The following C1QTNF7 variants were observed in gnomAD, a reference collection of about 807,000 sequenced individuals.
The protein encoded by C1QTNF7 is C1q and TNF related 7.
C1QTNF7 carries 15 observed loss-of-function variants against 19.6 expected under a neutral mutation model. The ratio of observed to expected loss-of-function variants is 0.76; its 90% CI spans 0.51 to 1.18. The LOEUF is 1.18. Ranked by LOEUF, C1QTNF7 falls within the 50% of genes most tolerant of loss-of-function variation. The probability of loss-of-function intolerance (pLI) is 0.00; values close to 1 mark genes in which losing one functional copy is unlikely to be tolerated. For missense variants in C1QTNF7, 324 were observed against 359.7 expected, an observed-to-expected ratio of 0.90 and a Z score of 0.80; for synonymous variants, 142 against 137.5, an observed-to-expected ratio of 1.03 and a Z score of -0.23.
chr4:15,424,481 G>T (rs1711947342), upstream of C1QTNF7, among the ~76,000 whole-genome samples: 1 of 152,164 alleles, frequency 6.6e-6, no homozygotes, highest in Admixed American at 6.5e-5. Context: ...TTGATAGCTT[G>T]CAGTGCTCCC....
intron 1 of C1QTNF7, among the ~76,000 whole-genome samples, chr4:15,390,056 G>A (rs1446127911): frequency 6.6e-6 from 1 of 152,142 alleles, no homozygotes; most frequent in Non-Finnish European, 1.5e-5. Flanking sequence ...TTCAGGGAAG[G>A]GAGGAATTTG....
At chr4:15,427,641 C>T (rs1712111477), upstream of C1QTNF7, 2 of 152,200 alleles carry the variant, frequency 1.3e-5, no homozygotes, top group Admixed American at 6.5e-5. Flanking sequence ...AATCTAAAGG[C>T]TCTACCTCCA....
rs551037048 is a variant in C1QTNF7, at chr4:15,354,297, G to T, written c.13+14090G>T. Among the ~76,000 whole-genome samples the T allele has an allele frequency of 2.6e-5, 4 of 152,308 alleles. No homozygotes were observed. In the East Asian group the frequency reaches 7.7e-4, roughly 29 times the overall value. On this transcript the variant is annotated intron_variant, in intron 1 of 2. Transcript: ENST00000295297. ...CTGGAAGGAAAGTAGTTAGGTAAGG[G>T]TTGGATAAGAGAATACAGGAGAAAT...
intron 1 of C1QTNF7, among the ~76,000 whole-genome samples, chr4:15,398,919 C>T (rs1318575366): frequency 2.0e-5 from 3 of 152,158 alleles, no homozygotes; most frequent in Non-Finnish European, 4.4e-5. Context: ...TCTGGGATCT[C>T]GCATTGCCTC....
intron 1 of C1QTNF7, among the ~76,000 whole-genome samples, chr4:15,411,065 T>C (rs922080240): frequency 5.3e-5 from 8 of 152,360 alleles, no homozygotes; most frequent in African/African-American, 1.9e-4. Context: ...ACTGTGGAAA[T>C]GTACGTGCAT....
At chr4:15,402,520 T>C (rs987228021) in intron 1 of C1QTNF7, among the ~76,000 whole-genome samples, 4 of 151,926 alleles carry the variant, frequency 2.6e-5, no homozygotes, top group African/African-American at 9.7e-5. Flanking sequence ...CAGAAAAGAA[T>C]ATAAATGTTA....
At chr4:15,347,117 C>T (rs1162651167) in intron 1 of C1QTNF7, among the ~76,000 whole-genome samples, 1 of 152,144 alleles carries the variant, frequency 6.6e-6, no homozygotes, top group East Asian at 1.9e-4. Context: ...AATTTATGTG[C>T]CAGGCTCTTA....
In C1QTNF7 at chr4:15,394,786, T is replaced by C. The variant is rs796831112; in HGVS notation, c.14-40950T>C. 9.6e-4 allele frequency among the ~76,000 whole-genome samples: 147 copies of C among 152,336 alleles called. 1 individual carries two copies. The highest frequency in any genetic ancestry group is 3.4e-3 in the African/African-American group (142 of 41,588). On this transcript the variant is annotated intron_variant, in intron 1 of 2. Coordinates refer to the C1QTNF7 transcript ENST00000295297. ...GATGATGGTGGGTATCAGAAGGTCTTGAACCATAAGGCCTGGCCCTGGTAC... is the reference window on the plus strand; with the variant it reads ...GATGATGGTGGGTATCAGAAGGTCTCGAACCATAAGGCCTGGCCCTGGTAC...
intron 1 of C1QTNF7, among the ~76,000 whole-genome samples, chr4:15,353,270 G>C (rs563600562): frequency 6.6e-6 from 1 of 152,270 alleles, no homozygotes; most frequent in Non-Finnish European, 1.5e-5. Flanking sequence ...AAAAGAAACT[G>C]GCCTTCAAGT....
intron 1 of C1QTNF7, among the ~76,000 whole-genome samples, chr4:15,430,244 G>T (rs1287955046): frequency 6.6e-6 from 1 of 152,178 alleles, no homozygotes; most frequent in Admixed American, 6.6e-5. Flanking sequence ...AAAATAGGAT[G>T]GAGGATTATT....
chr4:15,392,432 G>C (rs1317126164), intron 1 of C1QTNF7, among the ~76,000 whole-genome samples: 1 of 152,140 alleles, frequency 6.6e-6, no homozygotes, highest in Non-Finnish European at 1.5e-5. Flanking sequence ...CTCACCCCAA[G>C]CCCGGTGCCC....
chr4:15,442,247 A>C lies in C1QTNF7; in HGVS notation c.318A>C (p.Ile106=). Residue 106 remains isoleucine, a synonymous_variant, in exon 3 of 3, where the codon ATA becomes ATC. Coordinates refer to ENST00000444304, the MANE Select transcript of C1QTNF7 (RefSeq NM_031911.5). ...GAGAGACTGGGAAGAAAGGACCCAT[A>C]GGACCAGAGGGAGAGAAAGGAGAAG... ...DQGETGKKGP[I]GPEGEKGEVG... is the part of the protein sequence containing the mutation. 2 of 1,614,152 alleles carry C rather than the reference A, an allele frequency of 1.2e-6. No homozygotes were observed. Among genetic ancestry groups the C allele is most frequent in the South Asian group, 2.2e-5 (2 of 91,076 alleles).
chr4:15,433,966 G>A (rs531931969), intron 1 of C1QTNF7, among the ~76,000 whole-genome samples: 1 of 152,278 alleles, frequency 6.6e-6, no homozygotes, highest in South Asian at 2.1e-4. Flanking sequence ...ACTGTGGCAG[G>A]GGGTGTGAAC....
chr4:15,427,184 T>C (rs777224489), upstream of C1QTNF7, among the ~76,000 whole-genome samples: 1 of 152,160 alleles, frequency 6.6e-6, no homozygotes, highest in Non-Finnish European at 1.5e-5. Context: ...TCACTAACTC[T>C]GGAAACATTC....
chr4:15,398,648 G>A (rs1201964629), intron 1 of C1QTNF7, among the ~76,000 whole-genome samples: 1 of 152,184 alleles, frequency 6.6e-6, no homozygotes, highest in African/African-American at 2.4e-5. Context: ...GCAGCAGTCT[G>A]CTTCTGTTAC....
upstream of C1QTNF7, among the ~76,000 whole-genome samples, chr4:15,423,450 C>T (rs1330340046): frequency 6.6e-6 from 1 of 152,252 alleles, no homozygotes; most frequent in African/African-American, 2.4e-5. Flanking sequence ...GAACCCACCT[C>T]TTTCCCTGCA....
intron 1 of C1QTNF7, among the ~76,000 whole-genome samples, chr4:15,350,160 AGGGAGGGAGCG>A: frequency 9.7e-6 from 1 of 102,688 alleles, no homozygotes; most frequent in African/African-American, 3.7e-5. Context: ...GAAAGAAGGG[AGGGAGGGAGCG>A]AAGGAGGGAG....
At chr4:15,401,125 A>G (rs1560356606) in intron 1 of C1QTNF7, among the ~76,000 whole-genome samples, 1 of 152,320 alleles carries the variant, frequency 6.6e-6, no homozygotes, top group South Asian at 2.1e-4. Flanking sequence ...TTAGAGAGCT[A>G]TTTCCATGTT....
chr4:15,406,362 G>A (rs560826829), intron 1 of C1QTNF7, among the ~76,000 whole-genome samples: 8 of 152,280 alleles, frequency 5.3e-5, no homozygotes, highest in Non-Finnish European at 1.2e-4. Context: ...TGGGATAACA[G>A]GCTAAGGGTA....
Sources: gnomAD v4.1 joint callset for allele counts (sites outside exome capture counted in the v4.1 genomes callset) on GRCh38, gnomAD v4.1.1 for gene constraint, MANE v1.5 for transcripts, NCBI Gene and HGNC (gene_info 2026-07-23, HGNC 2026-07-21) for gene names.